The following UGGT2 variants were observed in gnomAD, a reference collection of about 807,000 sequenced individuals.
The protein encoded by UGGT2 is UDP-glucose glycoprotein glucosyltransferase 2, also known as UDP-glucose:glycoprotein glucosyltransferase 2.
Under a neutral mutation model 192.1 loss-of-function variants are expected in UGGT2, and 180 were observed. The ratio of observed to expected loss-of-function variants is 0.94; its 90% CI spans 0.83 to 1.06. The LOEUF is 1.06. UGGT2 is among the 50% of genes least tolerant of loss of function. UGGT2 has a pLI of 0.00. For synonymous variants in UGGT2, 580 were observed against 591.0 expected (o/e 0.98, Z 0.27); for missense variants, 1,849 against 1,795.7 (o/e 1.03, Z -0.54).
chr13:96,011,540 A>G (rs2052162105), intron 5 of UGGT2, among the ~76,000 whole-genome samples: 1 of 152,120 alleles, frequency 6.6e-6, no homozygotes, highest in Non-Finnish European at 1.5e-5. Context: ...GTTAGGATTT[A>G]GAGCAGCGAA....
intron 7 of UGGT2, chr13:95,990,402 C>T (rs1487394563): frequency 6.4e-6 from 1 of 155,882 alleles, no homozygotes; most frequent in Admixed American, 6.5e-5. Flanking sequence ...TTATAAATTG[C>T]AAGCCTTGCT....
chr13:95,980,093 TA>T (rs2051068945), intron 10 of UGGT2, among the ~76,000 whole-genome samples: 1 of 152,104 alleles, frequency 6.6e-6, no homozygotes, highest in Non-Finnish European at 1.5e-5. Flanking sequence ...TGGAGATTCG[TA>T]AAAGCAGATC....
intron 17 of UGGT2, among the ~76,000 whole-genome samples, chr13:95,930,359 G>T (rs573853719): frequency 6.6e-6 from 1 of 152,048 alleles, no homozygotes; most frequent in South Asian, 2.1e-4. Flanking sequence ...TGTCCAGAAC[G>T]GTGTTTCCTA....
chr13:95,925,592 G>A (rs1489615237), intron 20 of UGGT2, 88 bp downstream of exon 20: 1 of 871,632 alleles, frequency 1.1e-6, no homozygotes, highest in Non-Finnish European at 1.6e-6. Flanking sequence ...TTAACATGGA[G>A]GGGAAAATAT....
chr13:96,010,012 G>A (rs909495999), intron 5 of UGGT2, among the ~76,000 whole-genome samples: 3 of 152,108 alleles, frequency 2.0e-5, no homozygotes, highest in Non-Finnish European at 2.9e-5. Flanking sequence ...TGGTGAGGTT[G>A]CAGAAAATAG....
chr13:96,018,773 T>C (rs1048336596), intron 4 of UGGT2, among the ~76,000 whole-genome samples: 25 of 147,570 alleles, frequency 1.7e-4, no homozygotes, highest in African/African-American at 6.2e-4. Flanking sequence ...AAAAACCAAG[T>C]GTTTAGCTCA....
intron 30 of UGGT2, among the ~76,000 whole-genome samples, 192 bp from the exon 31 acceptor site, chr13:95,863,906 G>A (rs1302283465): frequency 1.3e-5 from 2 of 152,100 alleles, no homozygotes; most frequent in Admixed American, 6.5e-5. Flanking sequence ...CAACCTCTTT[G>A]TTCAGTTTCT....
chr13:95,808,092 G>C (rs1448808895), intron 38 of UGGT2, among the ~76,000 whole-genome samples: 2 of 152,094 alleles, frequency 1.3e-5, no homozygotes, highest in Non-Finnish European at 2.9e-5. Context: ...GGTGGCCAGA[G>C]AGCATTGCCC....
chr13:95,988,019 TACACAGAGGAC>T (rs1449225319), intron 8 of UGGT2, among the ~76,000 whole-genome samples: 1 of 152,082 alleles, frequency 6.6e-6, no homozygotes, highest in Non-Finnish European at 1.5e-5. Context: ...CCTTCCTTGA[TACACAGAGGAC>T]AGTCCCTCGG....
intron 20 of UGGT2, among the ~76,000 whole-genome samples, chr13:95,911,309 T>G (rs2048488817): frequency 6.6e-6 from 1 of 152,026 alleles, no homozygotes; most frequent in Admixed American, 6.6e-5. Flanking sequence ...GCTGGTTTTT[T>G]GAAAAGAACA....
intron 8 of UGGT2, among the ~76,000 whole-genome samples, chr13:95,988,624 T>C (rs149797072): frequency 6.6e-6 from 1 of 152,270 alleles, no homozygotes; most frequent in Admixed American, 6.5e-5. Flanking sequence ...CTGAATGATT[T>C]TTCTATTGAT....
At chr13:95,927,465 TC>T (rs368968111) in intron 17 of UGGT2, 129 bp from the exon 18 acceptor site, 44 of 534,060 alleles carry the variant, frequency 8.2e-5, no homozygotes, top group South Asian at 1.1e-4. Flanking sequence ...CAATACATTT[TC>T]TTTCTTTTTT....
intron 38 of UGGT2, among the ~76,000 whole-genome samples, chr13:95,810,014 GACA>G (rs1289225794): frequency 6.6e-6 from 1 of 152,280 alleles, no homozygotes; most frequent in East Asian, 1.9e-4. Flanking sequence ...CAGCTGCAGT[GACA>G]ACTTCACAAA....
intron 38 of UGGT2, among the ~76,000 whole-genome samples, chr13:95,809,833 C>T (rs553879396): frequency 2.6e-5 from 4 of 152,340 alleles, no homozygotes; most frequent in Admixed American, 2.0e-4. Context: ...TTAGATCCTG[C>T]ACCTTACTTT....
chr13:95,918,628 C>A (rs1384102301), intron 20 of UGGT2, among the ~76,000 whole-genome samples: 1 of 152,026 alleles, frequency 6.6e-6, no homozygotes, highest in African/African-American at 2.4e-5. Context: ...AGACCACTAG[C>A]TACACTGATA....
intron 12 of UGGT2, 44 bp downstream of exon 12, chr13:95,970,068 A>C (rs2050721660): frequency 6.4e-7 from 1 of 1,552,584 alleles, no homozygotes; most frequent in African/African-American, 1.4e-5. Flanking sequence ...TTAAGCCTTA[A>C]GTATACTACA....
Position 95,893,921 on chromosome 13 carries a change from A to C in UGGT2, c.2855+641T>G, listed in dbSNP as rs146051835. Among the ~76,000 whole-genome samples the C allele has an allele frequency of 9.3e-4, 141 of 152,316 alleles. 1 individual carries two copies. The highest frequency in any genetic ancestry group is 3.2e-3 in the African/African-American group (134 of 41,572). ...GACCCTTGGTCCACGCAGCAGCTTT[A>C]TAATGTGTCAACTTGACCAGGCTAA... On this transcript the variant is annotated intron_variant, in intron 24 of 38. Transcript: ENST00000376747.
At position 95,860,861 on chromosome 13, in the gene UGGT2, C is replaced by G; in HGVS notation, c.3667G>C (p.Glu1223Gln). Residue 1223 changes from glutamate to glutamine, a missense_variant, in exon 32 of 39, where the codon GAA (glutamate) becomes CAA (glutamine). Glu to Gln is a conservative substitution (Grantham distance 29, BLOSUM62 2). Coordinates refer to ENST00000376747, the MANE Select transcript of UGGT2 (RefSeq NM_020121.4). ...AGGACATCTTTTTCCTTTTTGTTTT[C>G]TTTATGCAAGCTTACTGTGAAACTT... ...IKSFTVSLHK[E>Q]NKKEKDVLNI... The G allele has an allele frequency of 1.3e-6, 2 of 1,562,038 alleles. No homozygotes were observed. Among genetic ancestry groups the G allele is most frequent in the African/African-American group, 2.7e-5 (2 of 72,844 alleles).
intron 20 of UGGT2, among the ~76,000 whole-genome samples, chr13:95,905,369 C>A (rs1304355742): frequency 5.9e-5 from 9 of 151,328 alleles, no homozygotes; most frequent in Non-Finnish European, 1.2e-4. Context: ...GAAGTCCTTG[C>A]CCATGCCTAT....
Sources: gnomAD v4.1 joint callset for allele counts (sites outside exome capture counted in the v4.1 genomes callset) on GRCh38, gnomAD v4.1.1 for gene constraint, MANE v1.5 for transcripts, NCBI Gene and HGNC (gene_info 2026-07-23, HGNC 2026-07-21) for gene names.